TMEM235: variants seen among roughly 807,000 people sequenced by gnomAD.
The protein encoded by TMEM235 is claudin-27.
Under a neutral mutation model 22.9 loss-of-function variants are expected in TMEM235, and 23 were observed. The observed-to-expected ratio is 1.00, with a 90% confidence interval of 0.72 to 1.42. The LOEUF (loss-of-function observed/expected upper bound fraction) is 1.42, where lower values mean the gene tolerates loss of function less well. TMEM235 is among the 40% of genes most tolerant of loss of function. The pLI is 0.00. For missense variants in TMEM235, 308 were observed against 299.5 expected (o/e 1.03, Z -0.21); for synonymous variants, 137 against 140.5 (o/e 0.98, Z 0.17).
At chr17:78,231,382 G>A (rs940505061) in intron 1 of TMEM235, 19 of 1,257,152 alleles carry the variant, frequency 1.5e-5, no homozygotes, top group Non-Finnish European at 1.9e-5. Flanking sequence ...TGCTGGAGGG[G>A]GCATTTGTAA....
At chr17:78,234,342 C>A (rs1321130786) in intron 3 of TMEM235, 1 of 707,936 alleles carries the variant, frequency 1.4e-6, no homozygotes, top group East Asian at 2.7e-5. Context: ...CACCTTCCAC[C>A]TGGCGGGTTG....
chr17:78,235,999 C>G (rs2076638405), intron 4 of TMEM235, among the ~76,000 whole-genome samples: 1 of 152,208 alleles, frequency 6.6e-6, no homozygotes, highest in South Asian at 2.1e-4. Flanking sequence ...CATGGGAAGC[C>G]ACTGCCATGA....
intron 4 of TMEM235, among the ~76,000 whole-genome samples, chr17:78,236,038 C>T (rs763001252): frequency 6.6e-6 from 1 of 152,242 alleles, no homozygotes; most frequent in Non-Finnish European, 1.5e-5. Context: ...GGCGCCCCCT[C>T]CAACACTGGG....
intron 4 of TMEM235, among the ~76,000 whole-genome samples, chr17:78,235,982 A>G (rs539814922): frequency 1.3e-5 from 2 of 152,290 alleles, no homozygotes; most frequent in African/African-American, 4.8e-5. Flanking sequence ...AATGGTGCTA[A>G]CCCATTCATG....
exon 5 of TMEM235, chr17:78,239,136 C>G (rs61742094): frequency 6.5e-7 from 1 of 1,542,848 alleles, no homozygotes; most frequent in African/African-American, 1.4e-5. Context: ...GCGTCAGCTT[C>G]GGCTGGTCCA....
At chr17:78,234,936 G>T (rs2076627122) in intron 4 of TMEM235, among the ~76,000 whole-genome samples, 1 of 152,222 alleles carries the variant, frequency 6.6e-6, no homozygotes, top group African/African-American at 2.4e-5. Flanking sequence ...ATAAAGAAAT[G>T]CCTGAGACTG....
chr17:78,233,039 C>T (rs1307845222), intron 2 of TMEM235, among the ~76,000 whole-genome samples: 1 of 152,194 alleles, frequency 6.6e-6, no homozygotes, highest in African/African-American at 2.4e-5. Flanking sequence ...TGCACATGTG[C>T]TGGTGGCTTC....
rs370152360 is a variant in TMEM235 at position 78,239,166 on chromosome 17, C to G, written c.552C>G (p.Ser184=). 50 of 1,542,912 alleles carry G rather than the reference C, an allele frequency of 3.2e-5. No homozygotes were observed. The South Asian group carries it at 5.6e-4, about 17-fold the overall frequency. Residue 184 remains serine (S), a synonymous_variant, in exon 5 of 6, where the codon TCC becomes TCG. Coordinates refer to ENST00000421688, the Ensembl canonical transcript of TMEM235. ...GGTCCATGGCCCTGGCCTGGGGCTC[C>G]TGTGCCTTGGAGGCATTCAGCGGAA...
At chr17:78,231,947 G>T (rs2076585219) in exon 2 of TMEM235, 3 of 1,033,928 alleles carry the variant, frequency 2.9e-6, no homozygotes, top group Non-Finnish European at 3.5e-6. Flanking sequence ...CCGTCCCCCG[G>T]CTCCCGGCTC....
intron 4 of TMEM235, among the ~76,000 whole-genome samples, chr17:78,234,991 A>G (rs1234188078): frequency 1.3e-5 from 2 of 152,264 alleles, no homozygotes; most frequent in Admixed American, 1.3e-4. Flanking sequence ...GCAGTGGCTC[A>G]TGCCTGTGAT....
At position 78,231,501 on chromosome 17, in the gene TMEM235, A is replaced by T. The variant is rs373457945; in HGVS notation, c.-523A>T. The T allele has an allele frequency of 6.7e-5, 88 of 1,303,960 alleles. No individual in the cohort carries two copies. In the African/African-American group the frequency reaches 1.2e-3, roughly 17 times the overall value. The allele number at this position is 1,303,960 out of a possible 1,614,324, so 80.8% of individuals were successfully genotyped here. Reference sequence around the variant, plus strand: ...GCCGTCTGGTTGGTCCTCAGGACTGATACAGACCAGGACCCCAGGGCCAGC... The same window carrying T: ...GCCGTCTGGTTGGTCCTCAGGACTGTTACAGACCAGGACCCCAGGGCCAGC... On this transcript the variant is annotated 5_prime_UTR_variant, in exon 2 of 6. Coordinates refer to ENST00000421688, the Ensembl canonical transcript of TMEM235.
Position 78,237,092 on chromosome 17 carries a change from G to A in TMEM235, c.410-1932G>A, listed in dbSNP as rs531684517. Among the ~76,000 whole-genome samples the A allele has an allele frequency of 1.1e-3, 161 of 152,288 alleles. 2 individuals carry two copies. Among genetic ancestry groups the A allele is most frequent in the African/African-American group, 3.7e-3 (153 of 41,564 alleles). ...GCACCGGCTAGGGGGTGGAGGGGCC[G>A]GAGGTAGCTGGTGGATGGGTGGGGG... On this transcript the variant is annotated intron_variant, in intron 4 of 5. Transcript: ENST00000421688. The surrounding 1 kb of genome is among the most constrained non-coding windows in gnomAD (Gnocchi z 4.7).
chr17:78,234,851 T>C lies in TMEM235; in HGVS notation c.409+121T>C, dbSNP rs142405000. ...TGCTCCCTTCTGGGCGGGTGCTGAG[T>C]CTGGCGATGGAGCCGTGGCAGGCAG... On this transcript the variant is annotated intron_variant, in intron 4 of 5. Transcript: ENST00000421688. 2.3e-3 allele frequency: 3,106 copies of C among 1,326,954 alleles called. 73 individuals carry two copies. In the African/African-American group the frequency reaches 0.04, roughly 17 times the overall value. 82.2% of individuals were successfully genotyped at this position (1,326,954 alleles called of 1,614,324 possible).
At chr17:78,233,385 C>A (rs1217806928) in intron 2 of TMEM235, among the ~76,000 whole-genome samples, 1 of 152,236 alleles carries the variant, frequency 6.6e-6, no homozygotes, top group Non-Finnish European at 1.5e-5. Context: ...AAACATGCAC[C>A]TGTGCAGGCA....
chr17:78,231,540 C>T, exon 2 of TMEM235: 1 of 1,303,958 alleles, frequency 7.7e-7, no homozygotes, highest in African/African-American at 1.5e-5. Flanking sequence ...TGCCAGGCTC[C>T]TATGCTTCCA....
exon 2 of TMEM235, chr17:78,231,996 G>T: frequency 2.3e-6 from 2 of 882,004 alleles, no homozygotes; most frequent in Non-Finnish European, 2.7e-6. Context: ...TGCTACCCCC[G>T]ACCCGTCCCC....
chr17:78,232,170 A>G, exon 2 of TMEM235: 1 of 1,487,726 alleles, frequency 6.7e-7, no homozygotes. Context: ...CCGGGCGCGC[A>G]GAGCTGCTCT....
At chr17:78,233,144 C>T (rs1247136570) in intron 2 of TMEM235, among the ~76,000 whole-genome samples, 1 of 152,208 alleles carries the variant, frequency 6.6e-6, no homozygotes, top group Admixed American at 6.5e-5. Context: ...CCTGTGTGCA[C>T]GTGTGCACAC....
At chr17:78,235,303 T>A (rs75307942) in intron 4 of TMEM235, among the ~76,000 whole-genome samples, 1 of 150,204 alleles carries the variant, frequency 6.7e-6, no homozygotes, top group Non-Finnish European at 1.5e-5. Context: ...TTTTTTTTTT[T>A]TGAGATGGAG....
Sources: gnomAD v4.1 joint callset for allele counts (sites outside exome capture counted in the v4.1 genomes callset) on GRCh38, gnomAD v4.1.1 for gene constraint, Gnocchi (gnomAD v3.1) non-coding constraint, MANE v1.5 for transcripts, NCBI Gene and HGNC (gene_info 2026-07-23, HGNC 2026-07-21) for gene names.